The following DCTN1 variants were observed in gnomAD, a reference collection of about 807,000 sequenced individuals.
DCTN1 encodes 150 kDa dynein-associated polypeptide.
Under a neutral mutation model 161.2 loss-of-function variants are expected in DCTN1, and 61 were observed. That is an observed-to-expected ratio of 0.38 (90% CI 0.31 to 0.47). The LOEUF (loss-of-function observed/expected upper bound fraction) is 0.47, where lower values mean the gene tolerates loss of function less well. DCTN1 is among the 20% of genes least tolerant of loss of function. The pLI, the probability that DCTN1 is intolerant of heterozygous loss-of-function variation, is 0.99. For missense variants in DCTN1, 1,404 were observed against 1,623.7 expected, an observed-to-expected ratio of 0.86 and a Z score of 2.33; for synonymous variants, 653 against 632.4, an observed-to-expected ratio of 1.03 and a Z score of -0.49.
At chr2:74,367,180 TC>T (rs1159496457) in intron 19 of DCTN1, 73 bp from the exon 20 acceptor site, 2 of 1,585,400 alleles carry the variant, frequency 1.3e-6, no homozygotes, top group Non-Finnish European at 1.7e-6. Context: ...CTCTAAGAAG[TC>T]CCCATCCTCT....
At position 74,380,002 on chromosome 2, in the gene DCTN1, T is replaced by C. The variant is rs1397714640; in HGVS notation, c.33+3A>G. 5 of 1,614,010 alleles carry C rather than the reference T, an allele frequency of 3.1e-6. No individual in the cohort carries two copies. The African/African-American group carries it at 6.7e-5, about 22-fold the overall frequency. On this transcript the variant is annotated splice_donor_region_variant and intron_variant, in intron 1 of 31. Coordinates refer to ENST00000628224, the MANE Select transcript of DCTN1 (RefSeq NM_004082.5). ...AGGGCCATCCCAGATTAGGGCCACT[T>C]ACCCGGCTGTACACGTGCCTCTTGC...
chr2:74,363,682 T>A (rs1054577743), intron 26 of DCTN1, 54 bp from the exon 27 acceptor site: 13 of 1,610,350 alleles, frequency 8.1e-6, no homozygotes, highest in Admixed American at 6.7e-5. Context: ...AGGAGTTAGG[T>A]GATTTGGGGG....
At chr2:74,389,792 A>G (rs541670254) in intron 1 of DCTN1, among the ~76,000 whole-genome samples, 1 of 152,350 alleles carries the variant, frequency 6.6e-6, no homozygotes, top group South Asian at 2.1e-4. Context: ...AAATGAAATC[A>G]TGCCTGTGAA....
chr2:74,369,751 TG>T lies in DCTN1; in HGVS notation c.1392+213del, dbSNP rs971564279. Reference sequence around the variant, plus strand: ...TCGCTTGAACCTGGGAGGCGGAGGTTGCAGTGAGCCGAGATTATTGCGCCAC... The same window carrying T: ...TCGCTTGAACCTGGGAGGCGGAGGTTCAGTGAGCCGAGATTATTGCGCCAC... On this transcript the variant is annotated intron_variant, in intron 13 of 31. Transcript: ENST00000628224. The surrounding 1 kb of genome is among the most constrained non-coding windows in gnomAD (Gnocchi z 4.9). Among the ~76,000 whole-genome samples the T allele has an allele frequency of 3.4e-5, 5 of 148,918 alleles. No individual in the cohort carries two copies. Among genetic ancestry groups the T allele is most frequent in the African/African-American group, 1.2e-4 (5 of 40,102 alleles).
chr2:74,383,971 C>G (rs112408554), upstream of DCTN1, among the ~76,000 whole-genome samples: 15 of 152,250 alleles, frequency 9.9e-5, no homozygotes, highest in African/African-American at 3.6e-4. Context: ...ACAGTAGGAA[C>G]TCAAATGCTG....
chr2:74,367,271 T>A, intron 19 of DCTN1, 81 bp downstream of exon 19: 3 of 1,576,240 alleles, frequency 1.9e-6, no homozygotes, highest in Non-Finnish European at 2.6e-6. Flanking sequence ...ATGTGACACT[T>A]CTTGGGTGCC....
At chr2:74,387,907 C>A (rs1304017062) in intron 1 of DCTN1, among the ~76,000 whole-genome samples, 1 of 152,186 alleles carries the variant, frequency 6.6e-6, no homozygotes, top group Non-Finnish European at 1.5e-5. Context: ...TGGCCTTGAC[C>A]AAGCACAGTG....
At chr2:74,363,700 G>A in intron 26 of DCTN1, 72 bp from the exon 27 acceptor site, 1 of 1,594,074 alleles carries the variant, frequency 6.3e-7, no homozygotes, top group Non-Finnish European at 8.6e-7. Context: ...GGGTTACGGG[G>A]ACACACCAGA....
Position 74,366,419 on chromosome 2 carries a change from T to A in DCTN1, c.2628+40A>T, listed in dbSNP as rs544884838. 4.3e-6 allele frequency: 7 copies of A among 1,614,190 alleles called. No homozygotes were observed. In the South Asian group the frequency reaches 6.6e-5, roughly 15 times the overall value. On this transcript the variant is annotated intron_variant, in intron 22 of 31. Transcript: ENST00000628224. ...GAAGTAAAAGCCCCACACTGGTCAC[T>A]AACTCTCCCCACACCTTCTACCCAG...
chr2:74,370,014 A>C lies in DCTN1; in HGVS notation c.1343T>G (p.Leu448Arg). Reference protein sequence around the residue: ...EMVEMLTDRNLNLEEKVRELR... With the variant: ...EMVEMLTDRNRNLEEKVRELR... ...CTCGCGCACTTTCTCTTCCAGATTC[A>C]GGTTCCGATCTGTCAGCATCTCCAC... The change falls in exon 13 of 32, where the codon CTG (leucine) becomes CGG (arginine). Residue 448 changes from leucine (L) to arginine (R), a missense_variant. Transcript: ENST00000628224. This position sits in a 1 kb window ranked among gnomAD's most constrained non-coding sequence, Gnocchi z 4.4. 6.2e-7 allele frequency: 1 copy of C among 1,614,148 alleles called. No individual in the cohort carries two copies. Among genetic ancestry groups the C allele is most frequent in the Non-Finnish European group, 8.5e-7 (1 of 1,180,034 alleles).
At position 74,370,890 on chromosome 2, in the gene DCTN1, A is replaced by G; in HGVS notation, c.844-65T>C. On this transcript the variant is annotated intron_variant, in intron 9 of 31. Coordinates refer to ENST00000628224, the MANE Select transcript of DCTN1 (RefSeq NM_004082.5). This position sits in a 1 kb window ranked among gnomAD's most constrained non-coding sequence, Gnocchi z 4.4. Reference sequence around the variant, plus strand: ...AGATGCCCCAGGCCTTTCTCACAGTATGTTCCAGGCTCCAGCTCCAGTCTA... The same window carrying G: ...AGATGCCCCAGGCCTTTCTCACAGTGTGTTCCAGGCTCCAGCTCCAGTCTA... The G allele has an allele frequency of 6.2e-7, 1 of 1,612,740 alleles. No individual in the cohort carries two copies. Among genetic ancestry groups the G allele is most frequent in the South Asian group, 1.1e-5 (1 of 91,036 alleles).
At chr2:74,388,846 A>T (rs189202748) in intron 1 of DCTN1, among the ~76,000 whole-genome samples, 34 of 152,300 alleles carry the variant, frequency 2.2e-4, no homozygotes, top group Middle Eastern at 3.4e-3. Flanking sequence ...CCCTGAGAGT[A>T]GCTCCACTCT....
At chr2:74,365,427 G>C in intron 25 of DCTN1, 88 bp downstream of exon 25, 1 of 1,599,764 alleles carries the variant, frequency 6.3e-7, no homozygotes, top group South Asian at 1.1e-5. Context: ...CACTATAAGA[G>C]AACCTGAGTA....
intron 31 of DCTN1, 56 bp downstream of exon 31, chr2:74,361,996 G>A: frequency 6.4e-7 from 1 of 1,571,658 alleles, no homozygotes; most frequent in Non-Finnish European, 8.7e-7. Context: ...GGAGGAGAGG[G>A]GGGCCCGCCT....
chr2:74,367,636 G>A lies in DCTN1; in HGVS notation c.2184+60C>T. On this transcript the variant is annotated intron_variant, in intron 18 of 31. Coordinates refer to ENST00000628224, the MANE Select transcript of DCTN1 (RefSeq NM_004082.5). Reference sequence around the variant, plus strand: ...TACAACCTTGAATATATTAGTAAGAGCCCCCATCAAGTGAAAGCTTCCCTG... The same window carrying A: ...TACAACCTTGAATATATTAGTAAGAACCCCCATCAAGTGAAAGCTTCCCTG... The A allele has an allele frequency of 3.7e-6, 6 of 1,608,770 alleles. No individual in the cohort carries two copies. In the South Asian group the frequency reaches 6.6e-5, roughly 18 times the overall value.
At position 74,363,138 on chromosome 2, in the gene DCTN1, G is replaced by C; in HGVS notation, c.3385C>G (p.Leu1129Val). The C allele has an allele frequency of 6.2e-7, 1 of 1,614,180 alleles. No homozygotes were observed. Among genetic ancestry groups the C allele is most frequent in the Non-Finnish European group, 8.5e-7 (1 of 1,180,022 alleles). The change falls in exon 29 of 32, where the codon CTG becomes GTG. Residue 1129 changes from leucine to valine, a missense_variant. By Grantham distance (32) the Leu-to-Val change is conservative (BLOSUM62 1). This residue lies in a region of DCTN1 where 311 missense variants were observed against 298.9 expected (regional missense o/e 1.04). Transcript: ENST00000628224. ...TCATGGGATAGCTTTGCAACATGCA[G>C]AGGGGGCAGGGATGCCAAGGATGCC... ...MKASLASLPP[L>V]HVAKLSHEGP...
Position 74,370,049 on chromosome 2 carries a change from A to G in DCTN1, c.1308T>C (p.Ala436=), listed in dbSNP as rs778888552. Residue 436 remains alanine, a synonymous_variant, in exon 13 of 32, where the codon GCT becomes GCC. Transcript: ENST00000628224. The surrounding 1 kb of genome is among the most constrained non-coding windows in gnomAD (Gnocchi z 4.4). ...CTGTCAGCATCTCCACCATCTCCTCAGCACCCAGAGCAGCATCCACCTGTG... is the reference window on the plus strand; with the variant it reads ...CTGTCAGCATCTCCACCATCTCCTCGGCACCCAGAGCAGCATCCACCTGTG... ...LKEQVDAALG[A]EEMVEMLTDR... 6.2e-7 allele frequency: 1 copy of G among 1,614,108 alleles called. No homozygotes were observed. The highest frequency in any genetic ancestry group is 1.1e-5 in the South Asian group (1 of 91,070).
At chr2:74,391,588 G>A (rs978719397) in intron 1 of DCTN1, 3 of 343,216 alleles carry the variant, frequency 8.7e-6, no homozygotes, top group African/African-American at 2.2e-5. Context: ...CTGATCCCAG[G>A]AGAACAATGC....
intron 3 of DCTN1, 82 bp from the exon 4 acceptor site, chr2:74,377,548 G>GA (rs1451773367): frequency 2.0e-6 from 3 of 1,532,768 alleles, no homozygotes; most frequent in African/African-American, 1.4e-5. Context: ...GGTAGTGACG[G>GA]AAAAAAATCT....
Sources: gnomAD v4.1 joint callset for allele counts (sites outside exome capture counted in the v4.1 genomes callset) on GRCh38, gnomAD v4.1.1 for gene constraint, gnomAD v4.1.1 regional missense constraint, Gnocchi (gnomAD v3.1) non-coding constraint, MANE v1.5 for transcripts, NCBI Gene and HGNC (gene_info 2026-07-23, HGNC 2026-07-21) for gene names.